The following IRS1 variants were observed in gnomAD, a reference collection of about 807,000 sequenced individuals.
IRS1 encodes the protein insulin receptor substrate 1.
In IRS1, 34 loss-of-function variants were observed where a neutral mutation model predicts 65.6. That is an observed-to-expected ratio of 0.52 (90% CI 0.39 to 0.69). The LOEUF is 0.69. IRS1 is among the 30% of genes least tolerant of loss of function. The pLI is 0.00. For synonymous variants in IRS1, 699 were observed against 683.5 expected (o/e 1.02, Z -0.35); for missense variants, 1,641 against 1,720.2 (o/e 0.95, Z 0.81).
At position 226,794,666 on chromosome 2, in the gene IRS1, TC is replaced by T. The variant is rs1336856311; in HGVS notation, c.*21+322del. On this transcript the variant is annotated intron_variant, in intron 1 of 1. Coordinates refer to ENST00000305123, the MANE Select transcript of IRS1 (RefSeq NM_005544.3). This position sits in a 1 kb window ranked among gnomAD's most constrained non-coding sequence, Gnocchi z 4.1. ...CTAAATATATAGTGAAAAGAAAACT[TC>T]AACAAACAAATCAAGCTTCTTACGG... Among the ~76,000 whole-genome samples, 5 of 152,286 alleles carry T rather than the reference TC, an allele frequency of 3.3e-5. No homozygotes were observed. The East Asian group carries it at 9.6e-4, about 29-fold the overall frequency.
chr2:226,755,900 C>T (rs1938787088), intron 1 of IRS1, among the ~76,000 whole-genome samples: 1 of 152,200 alleles, frequency 6.6e-6, no homozygotes, highest in African/African-American at 2.4e-5. Context: ...CAAAAACATA[C>T]ATGTATATGG....
Position 226,797,207 on chromosome 2 carries a change from G to A in IRS1, c.1532C>T (p.Ala511Val). 6.2e-7 allele frequency: 1 copy of A among 1,613,808 alleles called. No individual in the cohort carries two copies. Among genetic ancestry groups the A allele is most frequent in the Non-Finnish European group, 8.5e-7 (1 of 1,180,010 alleles). ...ATTATCCAGATCTGCAGCACTGGCT[G>A]CTTCATCCCCAGCCAAGGCTGGACT... is the stretch of plus-strand genomic sequence containing the variant. ...GTSPALAGDE[A>V]ASAADLDNRF... is the part of the protein sequence containing the mutation. The change falls in exon 1 of 2, where the codon GCA becomes GTA. Residue 511 changes from alanine (A) to valine (V), a missense_variant. Physicochemically the swap from Ala to Val is moderately conservative, Grantham distance 64 (BLOSUM62 0). This residue lies in a region of IRS1 where 1,324 missense variants were observed against 1,361.0 expected (regional missense o/e 0.97). Transcript: ENST00000305123. The surrounding 1 kb of genome is among the most constrained non-coding windows in gnomAD (Gnocchi z 8.1).
chr2:226,764,252 A>G (rs1463993086), intron 1 of IRS1, among the ~76,000 whole-genome samples: 2 of 152,146 alleles, frequency 1.3e-5, no homozygotes, highest in Admixed American at 6.5e-5. Context: ...AGCTAAAAAT[A>G]CAGCTTTTTG....
intron 1 of IRS1, among the ~76,000 whole-genome samples, chr2:226,743,288 G>A (rs966251486): frequency 1.3e-5 from 2 of 151,708 alleles, no homozygotes; most frequent in Non-Finnish European, 2.9e-5. Flanking sequence ...GGAGTGCAGT[G>A]GTGCCATTTC....
rs568193882 is a variant in IRS1, at chr2:226,799,147, C to A, written c.-409G>T. On this transcript the variant is annotated 5_prime_UTR_variant, in exon 1 of 2. Coordinates refer to ENST00000305123, the MANE Select transcript of IRS1 (RefSeq NM_005544.3). This position sits in a 1 kb window ranked among gnomAD's most constrained non-coding sequence, Gnocchi z 6.1. The stretch of plus-strand genomic sequence containing the variant: ...TGCGGTGCCCCTCCAGGAGCGCGCG[C>A]GCGCGCGCGCCTTCCCTCCTGAGTT... 2.6e-5 allele frequency: 29 copies of A among 1,102,212 alleles called. No homozygotes were observed. In the African/African-American group the frequency reaches 4.4e-4, roughly 17 times the overall value. 68.3% of individuals were successfully genotyped at this position (1,102,212 alleles called of 1,614,324 possible). A position where few individuals can be genotyped will look rare whatever the true frequency, so the allele number is the denominator to read the frequency against.
In IRS1 at chr2:226,790,597, T is replaced by C. The variant is rs972138992; in HGVS notation, c.*21+4392A>G. Reference sequence around the variant, plus strand: ...TTTGGGTCATAACATTTGCACCTGCTTGGTACGTTTCCACCTGTGATGTTT... The same window carrying C: ...TTTGGGTCATAACATTTGCACCTGCCTGGTACGTTTCCACCTGTGATGTTT... On this transcript the variant is annotated intron_variant, in intron 1 of 1. Coordinates refer to ENST00000305123, the MANE Select transcript of IRS1 (RefSeq NM_005544.3). Among the ~76,000 whole-genome samples, 5 of 152,182 alleles carry C rather than the reference T, an allele frequency of 3.3e-5. 1 individual carries two copies. The highest frequency in any genetic ancestry group is 4.8e-5 in the African/African-American group (2 of 41,438).
chr2:226,796,535 A>T lies in IRS1; in HGVS notation c.2204T>A (p.Met735Lys), dbSNP rs1220010402. Residue 735 changes from methionine (M) to lysine (K), a missense_variant, in exon 1 of 2, where the codon ATG becomes AAG. Met to Lys is a moderately conservative substitution (Grantham distance 95, BLOSUM62 -1). Coordinates refer to ENST00000305123, the MANE Select transcript of IRS1 (RefSeq NM_005544.3). ...LLPCTGDYMNMSPVGDSNTSS... is the reference protein window; with the variant it reads ...LLPCTGDYMNKSPVGDSNTSS... ...GGTGTTGGAGTCCCCCACTGGTGACATGTTCATGTAGTCACCTGTGCAAGG... is the reference window on the plus strand; with the variant it reads ...GGTGTTGGAGTCCCCCACTGGTGACTTGTTCATGTAGTCACCTGTGCAAGG... The T allele has an allele frequency of 6.2e-6, 10 of 1,613,940 alleles. No homozygotes were observed. The highest frequency in any genetic ancestry group is 8.5e-6 in the Non-Finnish European group (10 of 1,180,016).
chr2:226,736,780 T>G (rs777966878), intron 1 of IRS1, among the ~76,000 whole-genome samples: 1 of 152,156 alleles, frequency 6.6e-6, no homozygotes, highest in Non-Finnish European at 1.5e-5. Context: ...AAAACGGACC[T>G]ACTGAATCAT....
rs181294950 is a variant in IRS1 at position 226,794,690 on chromosome 2, C to T, written c.*21+299G>A. Among the ~76,000 whole-genome samples, 3 of 152,340 alleles carry T rather than the reference C, an allele frequency of 2.0e-5. No homozygotes were observed. The highest frequency in any genetic ancestry group is 1.3e-4 in the Admixed American group (2 of 15,304). ...TTCAACAAACAAATCAAGCTTCTTA[C>T]GGAGGAACTCTACAAAACGCAGAAC... On this transcript the variant is annotated intron_variant, in intron 1 of 1. Coordinates refer to ENST00000305123, the MANE Select transcript of IRS1 (RefSeq NM_005544.3). The surrounding 1 kb of genome is among the most constrained non-coding windows in gnomAD (Gnocchi z 4.1).
intron 1 of IRS1, among the ~76,000 whole-genome samples, chr2:226,784,406 T>A (rs531156654): frequency 4.5e-4 from 69 of 152,188 alleles, no homozygotes; most frequent in African/African-American, 1.4e-3. Flanking sequence ...TGTTTTTTTT[T>A]AATTTTTTTA....
At chr2:226,737,146 T>C (rs868654171) in intron 1 of IRS1, among the ~76,000 whole-genome samples, 1 of 135,222 alleles carries the variant, frequency 7.4e-6, no homozygotes, top group East Asian at 2.3e-4. Context: ...CCTGCATCCA[T>C]GTGATCTCAT....
At position 226,795,766 on chromosome 2, in the gene IRS1, G is replaced by A. The variant is rs148150592; in HGVS notation, c.2973C>T (p.Thr991=). The A allele has an allele frequency of 5.3e-5, 86 of 1,613,356 alleles. 1 individual carries two copies. The East Asian group carries it at 1.9e-3, about 36-fold the overall frequency. ...TCTGACGGGGACAACTCATCTGCAT[G>A]GTCATGTAGTCACCCCGGCTGCTGG... The part of the protein sequence containing the change: ...AVPSSRGDYM[T]MQMSCPRQSY... The change falls in exon 1 of 2, where the codon ACC becomes ACT. Residue 991 remains threonine (T), a synonymous_variant. Coordinates refer to ENST00000305123, the MANE Select transcript of IRS1 (RefSeq NM_005544.3).
chr2:226,781,380 TG>T (rs1393339396), intron 1 of IRS1, among the ~76,000 whole-genome samples: 4 of 151,912 alleles, frequency 2.6e-5, no homozygotes, highest in Admixed American at 2.6e-4. Flanking sequence ...TTTCCTAAAG[TG>T]GTGAGTAACA....
intron 1 of IRS1, among the ~76,000 whole-genome samples, chr2:226,785,664 C>T (rs1187298515): frequency 6.6e-6 from 1 of 152,100 alleles, no homozygotes; most frequent in African/African-American, 2.4e-5. Context: ...TGAACATTTC[C>T]AACTTGAAAA....
rs761880854 is a variant in IRS1 at position 226,797,897 on chromosome 2, C to T, written c.842G>A (p.Ser281Asn). ...GAGATGGTGCCGGCGCAGGGGGACG[C>T]TGATGGGGTTAGAGCAGTTGGACGA... Reference protein sequence around the residue: ...QSSSNCSNPISVPLRRHHLNN... With the variant: ...QSSSNCSNPINVPLRRHHLNN... Residue 281 changes from serine (S) to asparagine (N), a missense_variant, in exon 1 of 2, where the codon AGC (serine) becomes AAC (asparagine). This residue lies in a region of IRS1 where 1,324 missense variants were observed against 1,361.0 expected (regional missense o/e 0.97). Transcript: ENST00000305123. The surrounding 1 kb of genome is among the most constrained non-coding windows in gnomAD (Gnocchi z 8.1). 5 of 1,612,152 alleles carry T rather than the reference C, an allele frequency of 3.1e-6. No homozygotes were observed. The African/African-American group carries it at 5.3e-5, about 17-fold the overall frequency.
At chr2:226,790,679 A>C (rs78141355) in intron 1 of IRS1, among the ~76,000 whole-genome samples, 1 of 152,308 alleles carries the variant, frequency 6.6e-6, no homozygotes, top group Non-Finnish European at 1.5e-5. Flanking sequence ...GTGATGCAAG[A>C]GGGATGTTGG....
chr2:226,769,757 T>C (rs964778387), intron 1 of IRS1, among the ~76,000 whole-genome samples: 1 of 152,176 alleles, frequency 6.6e-6, no homozygotes, highest in Non-Finnish European at 1.5e-5. Context: ...GAAAAACAGG[T>C]GCATATAAAA....
At chr2:226,737,113 C>T (rs1353303934) in intron 1 of IRS1, among the ~76,000 whole-genome samples, 1 of 121,664 alleles carries the variant, frequency 8.2e-6, no homozygotes, top group Non-Finnish European at 1.6e-5. Context: ...CCACAACAGT[C>T]CCCAGAGTGT....
Position 226,758,394 on chromosome 2 carries a change from A to G in IRS1, c.*22-22144T>C, listed in dbSNP as rs996927031. The stretch of plus-strand genomic sequence containing the variant: ...GTAAGTCTAAAATCATAAAAACACC[A>G]TAAGTGAAAATCGAATACCTTTATT... On this transcript the variant is annotated intron_variant, in intron 1 of 1. Coordinates refer to ENST00000305123, the MANE Select transcript of IRS1 (RefSeq NM_005544.3). Among the ~76,000 whole-genome samples, 6 of 152,236 alleles carry G rather than the reference A, an allele frequency of 3.9e-5. No individual in the cohort carries two copies. In the East Asian group the frequency reaches 7.7e-4, roughly 20 times the overall value.
Sources: allele counts gnomAD v4.1 joint callset (sites outside exome capture counted in the v4.1 genomes callset), GRCh38; gene constraint gnomAD v4.1.1; regional missense constraint gnomAD v4.1.1; non-coding constraint Gnocchi (gnomAD v3.1); transcripts MANE v1.5; gene names NCBI Gene and HGNC (gene_info 2026-07-23, HGNC 2026-07-21).